The following EIF4E variants were observed in gnomAD, a reference collection of about 807,000 sequenced individuals.
EIF4E encodes eIF-4F 25 kDa subunit.
For missense variants in EIF4E, 113 were observed against 265.6 expected (o/e 0.43, Z 3.99); for synonymous variants, 71 against 88.5 (o/e 0.80, Z 1.11).
In EIF4E at chr4:98,889,839, T is replaced by G. The variant is rs375502100; in HGVS notation, c.221+1398A>C. On this transcript the variant is annotated intron_variant, in intron 3 of 6. Transcript: ENST00000450253. ...TGTAGGAGAATGAAAAGCTTTTTTT[T>G]GGGGGGTGCAGAAGACTGGAGTTAT... is the stretch of plus-strand genomic sequence containing the variant. 4.2e-3 allele frequency among the ~76,000 whole-genome samples: 633 copies of G among 152,124 alleles called. 3 individuals carry two copies. Among genetic ancestry groups the G allele is most frequent in the African/African-American group, 0.012 (511 of 41,506 alleles).
intron 1 of EIF4E, among the ~76,000 whole-genome samples, chr4:98,918,523 T>C (rs910857228): frequency 2.6e-5 from 4 of 152,134 alleles, no homozygotes; most frequent in Non-Finnish European, 5.9e-5. Flanking sequence ...AAGTGTTTTA[T>C]CTGACCAACA....
intron 1 of EIF4E, among the ~76,000 whole-genome samples, chr4:98,908,269 T>C (rs1441345413): frequency 1.3e-5 from 2 of 152,158 alleles, no homozygotes; most frequent in Non-Finnish European, 2.9e-5. Context: ...CAGATTACTG[T>C]TACCACACCT....
At chr4:98,891,391 A>G in intron 2 of EIF4E, 59 bp from the exon 3 acceptor site, 1 of 1,494,798 alleles carries the variant, frequency 6.7e-7, no homozygotes, top group Non-Finnish European at 9.2e-7. Flanking sequence ...TAAAAGCAAC[A>G]TTATTCACAA....
chr4:98,903,831 T>C (rs1035312664), intron 1 of EIF4E, among the ~76,000 whole-genome samples: 1 of 152,300 alleles, frequency 6.6e-6, no homozygotes, highest in Middle Eastern at 3.4e-3. Flanking sequence ...AAACCAAACA[T>C]TTTTATCAAC....
chr4:98,897,250 C>A (rs1160489243), intron 2 of EIF4E, among the ~76,000 whole-genome samples: 1 of 151,738 alleles, frequency 6.6e-6, no homozygotes, highest in Non-Finnish European at 1.5e-5. Context: ...CCAACTCTCA[C>A]AGTACTAATA....
rs192543042 is a variant in EIF4E at position 98,889,277 on chromosome 4, A to G, written c.222-1325T>C. ...ACCACATAAGGTTTGCTGAGTCACT[A>G]CCTAATGGTAACTCCCAACTACATC... On this transcript the variant is annotated intron_variant, in intron 3 of 6. Transcript: ENST00000450253. Among the ~76,000 whole-genome samples the G allele has an allele frequency of 1.9e-3, 295 of 152,284 alleles. 1 individual carries two copies. Among genetic ancestry groups the G allele is most frequent in the Non-Finnish European group, 2.9e-3 (197 of 68,016 alleles).
intron 2 of EIF4E, among the ~76,000 whole-genome samples, chr4:98,895,937 C>T (rs1192333225): frequency 6.6e-6 from 1 of 152,150 alleles, no homozygotes; most frequent in African/African-American, 2.4e-5. Context: ...GTGGCTCACG[C>T]CCGTAATCCC....
chr4:98,926,877 T>C (rs1194419514), intron 1 of EIF4E, among the ~76,000 whole-genome samples: 1 of 152,232 alleles, frequency 6.6e-6, no homozygotes, highest in African/African-American at 2.4e-5. Flanking sequence ...CTTCATCACT[T>C]TGCAGTTCCG....
chr4:98,884,156 T>A (rs1723815050), intron 6 of EIF4E, among the ~76,000 whole-genome samples: 1 of 152,212 alleles, frequency 6.6e-6, no homozygotes, highest in Non-Finnish European at 1.5e-5. Flanking sequence ...TATATAAATT[T>A]TAATGAAAAT....
chr4:98,917,932 C>T (rs574407014), intron 1 of EIF4E, among the ~76,000 whole-genome samples: 44 of 151,624 alleles, frequency 2.9e-4, no homozygotes, highest in Admixed American at 7.2e-4. Flanking sequence ...AAAAATTAGC[C>T]GGGCGTGGTG....
At chr4:98,899,998 T>G (rs902513718) in intron 2 of EIF4E, among the ~76,000 whole-genome samples, 3 of 152,032 alleles carry the variant, frequency 2.0e-5, no homozygotes, top group African/African-American at 7.2e-5. Flanking sequence ...TAAACTTTTT[T>G]TTTTTTTTTA....
At chr4:98,925,882 C>T (rs1725843266) in intron 1 of EIF4E, 1 of 151,900 alleles carries the variant, frequency 6.6e-6, no homozygotes, top group African/African-American at 2.4e-5. Context: ...AAAAAAAATC[C>T]AGGCGAGGCT....
intron 1 of EIF4E, among the ~76,000 whole-genome samples, chr4:98,919,409 C>A (rs1425675587): frequency 2.6e-5 from 4 of 151,206 alleles, no homozygotes; most frequent in Non-Finnish European, 5.9e-5. Context: ...AACTATCTTT[C>A]AAAGTTTAAA....
At chr4:98,901,067 G>A (rs1375638853) in intron 2 of EIF4E, among the ~76,000 whole-genome samples, 2 of 152,102 alleles carry the variant, frequency 1.3e-5, no homozygotes, top group African/African-American at 2.4e-5. Flanking sequence ...AAGTCAGCAC[G>A]GACTTTTTTA....
At chr4:98,911,328 G>T (rs1725119931) in intron 1 of EIF4E, among the ~76,000 whole-genome samples, 1 of 149,722 alleles carries the variant, frequency 6.7e-6, no homozygotes. Flanking sequence ...GATTACAGGT[G>T]TGAGCCACCG....
intron 3 of EIF4E, chr4:98,890,892 C>A: frequency 3.6e-6 from 1 of 281,012 alleles, no homozygotes; most frequent in Non-Finnish European, 6.7e-6. Flanking sequence ...AAATGAGGAC[C>A]CAACAACGCA....
chr4:98,888,027 T>A, intron 3 of EIF4E, 75 bp from the exon 4 acceptor site: 1 of 1,201,602 alleles, frequency 8.3e-7, no homozygotes, highest in South Asian at 1.4e-5. Flanking sequence ...ATATATACAT[T>A]TAGAACATAT....
chr4:98,920,147 C>G (rs1725581757), intron 1 of EIF4E, among the ~76,000 whole-genome samples: 1 of 152,130 alleles, frequency 6.6e-6, no homozygotes, highest in Non-Finnish European at 1.5e-5. Context: ...GGAAGATAGG[C>G]AGGAGATAGG....
intron 1 of EIF4E, chr4:98,928,860 C>T: frequency 6.5e-7 from 1 of 1,541,690 alleles, no homozygotes. Flanking sequence ...CGCCGCCCCT[C>T]CCCCACACCG....
Sources: gnomAD v4.1 joint callset for allele counts (sites outside exome capture counted in the v4.1 genomes callset) on GRCh38, gnomAD v4.1.1 for gene constraint, MANE v1.5 for transcripts, NCBI Gene and HGNC (gene_info 2026-07-23, HGNC 2026-07-21) for gene names.